The following SDK2 variants were observed in gnomAD, a reference collection of about 807,000 sequenced individuals.
SDK2 encodes the protein sidekick cell adhesion molecule 2.
Under a neutral mutation model 253.9 loss-of-function variants are expected in SDK2, and 105 were observed. That is an observed-to-expected ratio of 0.41 (90% CI 0.35 to 0.49). The LOEUF is 0.49. SDK2 is among the 20% of genes least tolerant of loss of function. SDK2 has a pLI of 0.06. For missense variants in SDK2, 2,608 were observed against 3,003.0 expected, an observed-to-expected ratio of 0.87 and a Z score of 3.07; for synonymous variants, 1,249 against 1,234.9, an observed-to-expected ratio of 1.01 and a Z score of -0.24.
At chr17:73,375,279 T>C (rs1308821510) in intron 36 of SDK2, among the ~76,000 whole-genome samples, 3 of 138,306 alleles carry the variant, frequency 2.2e-5, no homozygotes, top group Non-Finnish European at 4.5e-5. Context: ...TCTTGATCTG[T>C]TGCCCAGGCT....
chr17:73,368,416 G>C lies in SDK2; in HGVS notation c.5158C>G (p.Gln1720Glu). 4 of 1,548,524 alleles carry C rather than the reference G, an allele frequency of 2.6e-6. No homozygotes were observed. The highest frequency in any genetic ancestry group is 3.5e-6 in the Non-Finnish European group (4 of 1,146,088). ...PRSTPTQGQT[Q>E]QAAPSAPSSV... ...GGGCCCCCTCTCCCACCTGCTTGCT[G>C]GGTCTGGCCTTGGGTGGGGGTGCTC... Residue 1720 changes from glutamine (Q) to glutamate (E), a missense_variant, in exon 37 of 45, where the codon CAG becomes GAG. This residue lies in a region of SDK2 where 1,103 missense variants were observed against 1,143.9 expected (regional missense o/e 0.96). Coordinates refer to ENST00000392650, the MANE Select transcript of SDK2 (RefSeq NM_001144952.2).
At chr17:73,500,627 A>G (rs751430155) in intron 2 of SDK2, among the ~76,000 whole-genome samples, 61 of 99,648 alleles carry the variant, frequency 6.1e-4, no homozygotes, top group Non-Finnish European at 9.6e-4. Context: ...TCCTCTCTCC[A>G]TCTTCCCTCT....
intron 1 of SDK2, among the ~76,000 whole-genome samples, chr17:73,528,119 G>GA (rs1193277860): frequency 1.3e-5 from 2 of 152,148 alleles, no homozygotes; most frequent in African/African-American, 4.8e-5. Context: ...TATCCAGGTG[G>GA]AACGTTCAGG....
At chr17:73,421,322 A>T (rs1302882473) in intron 15 of SDK2, among the ~76,000 whole-genome samples, 1 of 152,180 alleles carries the variant, frequency 6.6e-6, no homozygotes, top group African/African-American at 2.4e-5. Flanking sequence ...GAGAGACCCA[A>T]GCTCATTGCA....
intron 2 of SDK2, among the ~76,000 whole-genome samples, chr17:73,500,814 A>C: frequency 1.8e-5 from 2 of 109,102 alleles, no homozygotes; most frequent in African/African-American, 7.4e-5. Flanking sequence ...TCCTCTTTCC[A>C]TCCTCCCTCA....
intron 1 of SDK2, among the ~76,000 whole-genome samples, chr17:73,555,233 A>G (rs1308568767): frequency 6.6e-6 from 1 of 152,250 alleles, no homozygotes; most frequent in East Asian, 1.9e-4. Context: ...TGCTGTCTAT[A>G]CAGATGAGCC....
intron 24 of SDK2, among the ~76,000 whole-genome samples, chr17:73,397,346 G>A (rs547346767): frequency 2.6e-5 from 4 of 152,322 alleles, no homozygotes; most frequent in African/African-American, 4.8e-5. Flanking sequence ...CAGTGTGCCC[G>A]ATGGTTAGGG....
intron 1 of SDK2, among the ~76,000 whole-genome samples, chr17:73,562,118 T>C (rs2045245060): frequency 6.6e-6 from 1 of 151,990 alleles, no homozygotes; most frequent in Admixed American, 6.6e-5. Flanking sequence ...AGAGCGAAAC[T>C]CCGTCTCAAA....
intron 1 of SDK2, among the ~76,000 whole-genome samples, chr17:73,583,040 T>C (rs1194923530): frequency 6.6e-6 from 1 of 152,172 alleles, no homozygotes; most frequent in Non-Finnish European, 1.5e-5. Context: ...CCTCTTTGCA[T>C]ACCAACTCCT....
chr17:73,362,089 A>G (rs1213019431), intron 38 of SDK2, among the ~76,000 whole-genome samples: 2 of 152,294 alleles, frequency 1.3e-5, no homozygotes, highest in Middle Eastern at 3.4e-3. Context: ...TGTTTGGGAA[A>G]AGCTACTACT....
Position 73,643,813 on chromosome 17 carries a change from T to A in SDK2, c.64+212A>T, listed in dbSNP as rs1481252605. Among the ~76,000 whole-genome samples, 1 of 151,630 alleles carries A rather than the reference T, an allele frequency of 6.6e-6. No homozygotes were observed. ...CCCAGGTCGTCCCCACCTTCCCCCATTCGGAAGCCACAAGTCTCGGAGAGA... is the reference window on the plus strand; with the variant it reads ...CCCAGGTCGTCCCCACCTTCCCCCAATCGGAAGCCACAAGTCTCGGAGAGA... On this transcript the variant is annotated intron_variant, in intron 1 of 44. Coordinates refer to ENST00000392650, the MANE Select transcript of SDK2 (RefSeq NM_001144952.2). The surrounding 1 kb of genome is among the most constrained non-coding windows in gnomAD (Gnocchi z 6.9).
At chr17:73,553,372 A>G (rs1366576557) in intron 1 of SDK2, among the ~76,000 whole-genome samples, 1 of 152,116 alleles carries the variant, frequency 6.6e-6, no homozygotes, top group Non-Finnish European at 1.5e-5. Flanking sequence ...GTGACCCTGG[A>G]AGGTGGATGT....
At chr17:73,469,992 GCACACACACACACACACACA>G (rs34448667) in intron 3 of SDK2, among the ~76,000 whole-genome samples, 2 of 126,184 alleles carry the variant, frequency 1.6e-5, no homozygotes, top group South Asian at 3.0e-4. Flanking sequence ...GCGCGCGCGC[GCACACACACACACACACACA>G]CACACACACA....
At chr17:73,407,926 C>G (rs1365181597) in intron 18 of SDK2, among the ~76,000 whole-genome samples, 2 of 152,144 alleles carry the variant, frequency 1.3e-5, no homozygotes, top group African/African-American at 4.8e-5. Context: ...CATATTATAA[C>G]CCTTATTGAA....
At chr17:73,589,626 A>C (rs1050045222) in intron 1 of SDK2, among the ~76,000 whole-genome samples, 1 of 152,174 alleles carries the variant, frequency 6.6e-6, no homozygotes, top group Non-Finnish European at 1.5e-5. Context: ...TCAGACAGGC[A>C]CTCTGCGTCA....
intron 2 of SDK2, among the ~76,000 whole-genome samples, chr17:73,478,527 G>A (rs1295586750): frequency 6.6e-6 from 1 of 152,132 alleles, no homozygotes; most frequent in African/African-American, 2.4e-5. Context: ...AGGACCCTGC[G>A]GCTCAGTCCA....
At chr17:73,509,914 A>AAAAAAAAAAAAAAAAAAAAAAAAAT in intron 1 of SDK2, among the ~76,000 whole-genome samples, 1 of 145,000 alleles carries the variant, frequency 6.9e-6, no homozygotes, top group Admixed American at 6.9e-5. Context: ...AAAAAAAAAA[A>AAAAAAAAAAAAAAAAAAAAAAAAAT]AAAAAAAAGA....
intron 36 of SDK2, among the ~76,000 whole-genome samples, chr17:73,372,733 T>G (rs2062745722): frequency 6.6e-6 from 1 of 151,846 alleles, no homozygotes; most frequent in East Asian, 1.9e-4. Flanking sequence ...AGAGTGAGAC[T>G]CTGTCTCGAA....
Position 73,382,830 on chromosome 17 carries a change from C to T in SDK2, c.4705+1046G>A, listed in dbSNP as rs866200020. 1.3e-4 allele frequency among the ~76,000 whole-genome samples: 20 copies of T among 152,216 alleles called. No individual in the cohort carries two copies. The Middle Eastern group carries it at 0.01, about 78-fold the overall frequency. On this transcript the variant is annotated intron_variant, in intron 33 of 44. Coordinates refer to ENST00000392650, the MANE Select transcript of SDK2 (RefSeq NM_001144952.2). Reference sequence around the variant, plus strand: ...CAGCCTGGCCGACATGGTGAAACCCCGTCTCTACTAACAACAACAACAACA... The same window carrying T: ...CAGCCTGGCCGACATGGTGAAACCCTGTCTCTACTAACAACAACAACAACA...
Sources: gnomAD v4.1 joint callset for allele counts (sites outside exome capture counted in the v4.1 genomes callset) on GRCh38, gnomAD v4.1.1 for gene constraint, gnomAD v4.1.1 regional missense constraint, Gnocchi (gnomAD v3.1) non-coding constraint, MANE v1.5 for transcripts, NCBI Gene and HGNC (gene_info 2026-07-23, HGNC 2026-07-21) for gene names.